Variants in SMOC2 observed in about 807,000 individuals in gnomAD.
SMOC2 encodes SPARC related modular calcium binding 2, also known as SPARC-related modular calcium-binding protein 2.
A neutral mutation model predicts 61.4 loss-of-function variants in SMOC2; 39 were observed. The observed-to-expected ratio is 0.64, with a 90% CI of 0.49 to 0.83. The LOEUF (loss-of-function observed/expected upper bound fraction) is 0.83. Among genes scored for constraint, SMOC2 ranks in the 40% least tolerant of loss-of-function variants. The probability of loss-of-function intolerance (pLI) is 0.00; values close to 1 mark genes in which losing one functional copy is unlikely to be tolerated. For missense variants in SMOC2, 556 were observed against 592.9 expected, an observed-to-expected ratio of 0.94 and a Z score of 0.65; for synonymous variants, 247 against 239.9, an observed-to-expected ratio of 1.03 and a Z score of -0.27.
intron 7 of SMOC2, among the ~76,000 whole-genome samples, chr6:168,554,794 G>A (rs868827496): frequency 6.6e-6 from 1 of 152,208 alleles, no homozygotes; most frequent in African/African-American, 2.4e-5. Flanking sequence ...GCTTTGCCAC[G>A]TGGGGAGATG....
At chr6:168,473,744 G>A (rs904791591) in intron 1 of SMOC2, among the ~76,000 whole-genome samples, 2 of 152,130 alleles carry the variant, frequency 1.3e-5, no homozygotes, top group Non-Finnish European at 2.9e-5. Context: ...TGAGGGCACA[G>A]TCTATGCAAA....
At chr6:168,659,447 AGGG>A (rs1787416981) in intron 11 of SMOC2, among the ~76,000 whole-genome samples, 8 of 123,848 alleles carry the variant, frequency 6.5e-5, no homozygotes, top group South Asian at 5.6e-4. Context: ...TGGAGGTTGT[AGGG>A]TTGGTGAGAG....
intron 7 of SMOC2, among the ~76,000 whole-genome samples, chr6:168,565,690 G>T (rs972036782): frequency 5.9e-5 from 9 of 152,186 alleles, no homozygotes; most frequent in African/African-American, 1.9e-4. Context: ...TCAATAAAAG[G>T]CTCAGCATGG....
chr6:168,579,631 A>G (rs931764044), intron 7 of SMOC2, among the ~76,000 whole-genome samples: 3 of 152,164 alleles, frequency 2.0e-5, no homozygotes, highest in Non-Finnish European at 4.4e-5. Context: ...TGAGGGTGTT[A>G]TCATTACTGG....
chr6:168,444,158 G>A (rs192482168), intron 1 of SMOC2, among the ~76,000 whole-genome samples: 29 of 152,322 alleles, frequency 1.9e-4, no homozygotes, highest in African/African-American at 5.8e-4. Context: ...ACTTGGCTCT[G>A]GGTGTATCTG....
At chr6:168,454,627 T>G (rs1357400952) in intron 1 of SMOC2, among the ~76,000 whole-genome samples, 2 of 152,092 alleles carry the variant, frequency 1.3e-5, no homozygotes, top group African/African-American at 4.8e-5. Context: ...TTGATCAGAT[T>G]GTTCTTGGGA....
intron 1 of SMOC2, among the ~76,000 whole-genome samples, chr6:168,451,599 GTCTCTCTCTCTCTC>G (rs59096709): frequency 1.0e-4 from 15 of 145,532 alleles, no homozygotes; most frequent in African/African-American, 3.6e-4. Context: ...CTCTGTCTCT[GTCTCTCTCTCTCTC>G]TCTCTCTCTC....
At chr6:168,450,277 C>A (rs148906246) in intron 1 of SMOC2, among the ~76,000 whole-genome samples, 1 of 152,050 alleles carries the variant, frequency 6.6e-6, no homozygotes, top group South Asian at 2.1e-4. Flanking sequence ...CACCATAGAG[C>A]GAAATTTGTT....
At chr6:168,617,641 G>C (rs538094503) in intron 9 of SMOC2, among the ~76,000 whole-genome samples, 1 of 152,298 alleles carries the variant, frequency 6.6e-6, no homozygotes, top group Admixed American at 6.5e-5. Flanking sequence ...TCCTCCAGGC[G>C]AGTTTCCAAA....
In SMOC2 at chr6:168,661,921, T is replaced by A. The variant is rs548077856; in HGVS notation, c.1286-2153T>A. 5.3e-5 allele frequency among the ~76,000 whole-genome samples: 8 copies of A among 152,304 alleles called. No individual in the cohort carries two copies. In the South Asian group the frequency reaches 1.7e-3, roughly 32 times the overall value. On this transcript the variant is annotated intron_variant, in intron 11 of 12. Coordinates refer to ENST00000356284, the MANE Select transcript of SMOC2 (RefSeq NM_001166412.2). ...ACTTAGACCATTGAAACCAACTATT[T>A]AAAAAAATCATAGATTTAGCCACTG...
intron 1 of SMOC2, among the ~76,000 whole-genome samples, chr6:168,497,949 G>A (rs954301728): frequency 6.6e-6 from 1 of 152,236 alleles, no homozygotes; most frequent in South Asian, 2.1e-4. Context: ...AGAGATCAGA[G>A]GCCCCTGACC....
intron 9 of SMOC2, among the ~76,000 whole-genome samples, chr6:168,622,658 G>A (rs1170397977): frequency 6.6e-6 from 1 of 152,060 alleles, no homozygotes; most frequent in Non-Finnish European, 1.5e-5. Flanking sequence ...ACAAGAGCAG[G>A]GCTGCCTGTC....
chr6:168,559,020 A>T (rs13207119), intron 7 of SMOC2, among the ~76,000 whole-genome samples: 53,396 of 152,182 alleles, frequency 0.35, 9,570 homozygotes, highest in Non-Finnish European at 0.39. Flanking sequence ...TTTTTTGAGA[A>T]ATCAGGTACT....
At chr6:168,451,956 C>T (rs1781477744) in intron 1 of SMOC2, among the ~76,000 whole-genome samples, 1 of 152,354 alleles carries the variant, frequency 6.6e-6, no homozygotes, top group Non-Finnish European at 1.5e-5. Context: ...GGGGAAGCCC[C>T]TGTCCTTTTT....
intron 9 of SMOC2, among the ~76,000 whole-genome samples, chr6:168,626,852 A>C (rs528470421): frequency 2.0e-5 from 3 of 152,298 alleles, no homozygotes; most frequent in Admixed American, 1.3e-4. Flanking sequence ...TTGTAGGCTG[A>C]AAATGTGGTG....
chr6:168,554,652 C>T (rs888922165), intron 7 of SMOC2, among the ~76,000 whole-genome samples: 1 of 152,194 alleles, frequency 6.6e-6, no homozygotes, highest in Non-Finnish European at 1.5e-5. Context: ...ACACAGTCCT[C>T]GGAGCTGGCA....
intron 1 of SMOC2, among the ~76,000 whole-genome samples, chr6:168,494,660 A>G (rs1349788511): frequency 1.3e-5 from 2 of 152,190 alleles, no homozygotes; most frequent in African/African-American, 4.8e-5. Flanking sequence ...TAAGCCTAAG[A>G]CTTGGAGGAG....
chr6:168,546,883 C>T (rs760248515), intron 5 of SMOC2, among the ~76,000 whole-genome samples: 2 of 152,162 alleles, frequency 1.3e-5, no homozygotes, highest in South Asian at 2.1e-4. Context: ...ATATTTTCCA[C>T]GTGAAGTTAG....
Position 168,653,020 on chromosome 6 carries a change from G to A in SMOC2, c.1077G>A (p.Leu359=), listed in dbSNP as rs1787235550. ...ERVVHWYFKL[L]DKNSSGDIGK... is the part of the protein sequence containing the mutation. ...TGGTGCACTGGTACTTCAAACTACT[G>A]GATAAAAACTCCAGTGGAGACATCG... The change falls in exon 11 of 13, where the codon CTG becomes CTA. Residue 359 remains leucine (L), a synonymous_variant. Transcript: ENST00000356284. 2 of 1,614,002 alleles carry A rather than the reference G, an allele frequency of 1.2e-6. No individual in the cohort carries two copies. Among genetic ancestry groups the A allele is most frequent in the Non-Finnish European group, 1.7e-6 (2 of 1,180,006 alleles).
Sources: allele counts gnomAD v4.1 joint callset (sites outside exome capture counted in the v4.1 genomes callset), GRCh38; gene constraint gnomAD v4.1.1; transcripts MANE v1.5; gene names NCBI Gene and HGNC (gene_info 2026-07-23, HGNC 2026-07-21).